The following ZNF385B variants were observed in gnomAD, a reference collection of about 807,000 sequenced individuals.
The protein encoded by ZNF385B is zinc finger protein 385B.
Under a neutral mutation model 39.2 loss-of-function variants are expected in ZNF385B, and 23 were observed. The ratio of observed to expected loss-of-function variants is 0.59; its 90% CI spans 0.42 to 0.83. The LOEUF is 0.83. Among genes scored for constraint, ZNF385B ranks in the 40% least tolerant of loss-of-function variants. The probability of loss-of-function intolerance (pLI) is 0.00; values close to 1 mark genes in which losing one functional copy is unlikely to be tolerated. For missense variants in ZNF385B, 552 were observed against 598.9 expected, an observed-to-expected ratio of 0.92 and a Z score of 0.82; for synonymous variants, 205 against 222.6, an observed-to-expected ratio of 0.92 and a Z score of 0.70.
chr2:179,578,522 G>T (rs965373073), intron 3 of ZNF385B, among the ~76,000 whole-genome samples: 5 of 152,046 alleles, frequency 3.3e-5, no homozygotes, highest in African/African-American at 1.2e-4. Flanking sequence ...GGCATAGAAT[G>T]AAAATAATTT....
chr2:179,675,871 T>C (rs183349574), intron 3 of ZNF385B, among the ~76,000 whole-genome samples: 275 of 151,718 alleles, frequency 1.8e-3, no homozygotes, highest in African/African-American at 6.3e-3. Flanking sequence ...CATTGCAACC[T>C]CCGCCTCCTG....
chr2:179,485,669 A>G (rs1040920711), intron 5 of ZNF385B, among the ~76,000 whole-genome samples: 1 of 152,062 alleles, frequency 6.6e-6, no homozygotes, highest in African/African-American at 2.4e-5. Context: ...CATCATATCT[A>G]TATATTTGCT....
At chr2:179,635,191 A>C (rs1200182519) in intron 3 of ZNF385B, among the ~76,000 whole-genome samples, 1 of 151,952 alleles carries the variant, frequency 6.6e-6, no homozygotes, top group Admixed American at 6.6e-5. Context: ...ACACCATGGA[A>C]TACTATGCAG....
At chr2:179,789,033 T>C (rs898916696) in intron 1 of ZNF385B, among the ~76,000 whole-genome samples, 15 of 152,214 alleles carry the variant, frequency 9.9e-5, no homozygotes, top group African/African-American at 3.6e-4. Flanking sequence ...AATTGATCTT[T>C]TAAAAGTTTC....
chr2:179,600,518 A>T (rs1254800527), intron 3 of ZNF385B, among the ~76,000 whole-genome samples: 6 of 152,206 alleles, frequency 3.9e-5, no homozygotes, highest in Non-Finnish European at 8.8e-5. Flanking sequence ...AGCTACTCCA[A>T]ATGAGAAAAT....
At chr2:179,778,232 C>A (rs779633169) in intron 1 of ZNF385B, among the ~76,000 whole-genome samples, 1 of 152,222 alleles carries the variant, frequency 6.6e-6, no homozygotes, top group Non-Finnish European at 1.5e-5. Context: ...CCCTGCATGG[C>A]ACTGCTGTGC....
intron 5 of ZNF385B, among the ~76,000 whole-genome samples, chr2:179,503,043 T>G (rs2056907501): frequency 6.6e-6 from 1 of 152,060 alleles, no homozygotes; most frequent in Admixed American, 6.6e-5. Flanking sequence ...CTCTGCTAAT[T>G]TTTGTATTTT....
intron 3 of ZNF385B, among the ~76,000 whole-genome samples, chr2:179,624,985 T>C (rs532405581): frequency 9.7e-4 from 147 of 152,304 alleles, no homozygotes; most frequent in Middle Eastern, 3.4e-3. Flanking sequence ...GATATTAGAA[T>C]AGGCAAAAGA....
At chr2:179,511,343 G>A (rs1447757948) in intron 5 of ZNF385B, among the ~76,000 whole-genome samples, 1 of 152,140 alleles carries the variant, frequency 6.6e-6, no homozygotes, top group Admixed American at 6.5e-5. Context: ...TGGTAGATGG[G>A]GAAGTTTGTT....
At chr2:179,588,673 G>T (rs1037851813) in intron 3 of ZNF385B, among the ~76,000 whole-genome samples, 3 of 152,060 alleles carry the variant, frequency 2.0e-5, no homozygotes, top group Non-Finnish European at 4.4e-5. Flanking sequence ...CAGACATCCC[G>T]GACTGCCATA....
chr2:179,454,089 T>C (rs2050432384), intron 6 of ZNF385B, among the ~76,000 whole-genome samples: 1 of 152,180 alleles, frequency 6.6e-6, no homozygotes, highest in African/African-American at 2.4e-5. Context: ...AGTGTTCAAT[T>C]GGATAAGAGC....
intron 1 of ZNF385B, among the ~76,000 whole-genome samples, chr2:179,799,993 A>G (rs1705927419): frequency 6.6e-6 from 1 of 152,088 alleles, no homozygotes; most frequent in African/African-American, 2.4e-5. Flanking sequence ...CAGAATTTTG[A>G]TCTGACATCC....
At chr2:179,833,100 T>A (rs1708068448) in intron 1 of ZNF385B, among the ~76,000 whole-genome samples, 1 of 152,168 alleles carries the variant, frequency 6.6e-6, no homozygotes, top group South Asian at 2.1e-4. Context: ...TATATGTGTG[T>A]ATATATATGT....
At chr2:179,832,326 C>T (rs1189022098) in intron 1 of ZNF385B, among the ~76,000 whole-genome samples, 1 of 152,072 alleles carries the variant, frequency 6.6e-6, no homozygotes, top group Non-Finnish European at 1.5e-5. Context: ...CACTACAGCT[C>T]TTCTAGGATT....
At chr2:179,710,265 G>A (rs1432685443) in intron 3 of ZNF385B, among the ~76,000 whole-genome samples, 2 of 151,998 alleles carry the variant, frequency 1.3e-5, no homozygotes, top group East Asian at 3.9e-4. Flanking sequence ...ACAGTTTGAG[G>A]GACAGTATAC....
At chr2:179,598,039 A>G (rs1224803525) in intron 3 of ZNF385B, among the ~76,000 whole-genome samples, 2 of 152,226 alleles carry the variant, frequency 1.3e-5, no homozygotes, top group African/African-American at 4.8e-5. Flanking sequence ...TGGTAATTAC[A>G]GTATACCCTG....
chr2:179,595,722 C>T (rs943167184), intron 3 of ZNF385B, among the ~76,000 whole-genome samples: 6 of 149,790 alleles, frequency 4.0e-5, no homozygotes, highest in Non-Finnish European at 7.4e-5. Flanking sequence ...ACCTCCTGGG[C>T]TCCAGCGATC....
chr2:179,463,385 G>T (rs1056919410), intron 6 of ZNF385B, among the ~76,000 whole-genome samples: 2 of 151,916 alleles, frequency 1.3e-5, no homozygotes, highest in Non-Finnish European at 2.9e-5. Context: ...TTAAGTTATG[G>T]GGTACATGTG....
chr2:179,659,083 G>A (rs1694155292), intron 3 of ZNF385B, among the ~76,000 whole-genome samples: 1 of 152,326 alleles, frequency 6.6e-6, no homozygotes, highest in South Asian at 2.1e-4. Flanking sequence ...GGCCAAAATA[G>A]TGACATTCTT....
Sources: allele counts gnomAD v4.1 joint callset (sites outside exome capture counted in the v4.1 genomes callset), GRCh38; gene constraint gnomAD v4.1.1; transcripts MANE v1.5; gene names NCBI Gene and HGNC (gene_info 2026-07-23, HGNC 2026-07-21).